The following DIAPH3 variants were observed in gnomAD, a reference collection of about 807,000 sequenced individuals.
The protein encoded by DIAPH3 is protein diaphanous homolog 3.
DIAPH3 carries 117 observed loss-of-function variants against 144.3 expected under a neutral mutation model. That is an observed-to-expected ratio of 0.81 (90% CI 0.70 to 0.95). The LOEUF is 0.95. Ranked by LOEUF, DIAPH3 falls within the 40% of genes least tolerant of loss-of-function variation. The probability of loss-of-function intolerance (pLI) is 0.00; values close to 1 mark genes in which losing one functional copy is unlikely to be tolerated. For missense variants in DIAPH3, 1,421 were observed against 1,412.7 expected, an observed-to-expected ratio of 1.01 and a Z score of -0.09; for synonymous variants, 519 against 488.9, an observed-to-expected ratio of 1.06 and a Z score of -0.81.
Position 59,666,561 on chromosome 13 carries a change from T to A in DIAPH3, c.*23A>T, listed in dbSNP as rs111915155. The A allele has an allele frequency of 1.3e-4, 212 of 1,610,950 alleles. No homozygotes were observed. In the African/African-American group the frequency reaches 2.5e-3, roughly 19 times the overall value. ...CATGGCTTTATATTTGGCTTAATCA[T>A]TTTTTTTAAAAACCAGTTTAACTTA... On this transcript the variant is annotated 3_prime_UTR_variant, in exon 28 of 28. Transcript: ENST00000400324.
chr13:60,051,390 C>T (rs1307677398), intron 4 of DIAPH3, among the ~76,000 whole-genome samples: 1 of 152,008 alleles, frequency 6.6e-6, no homozygotes, highest in Admixed American at 6.6e-5. Flanking sequence ...GAGGCTAAGA[C>T]GGGTGGATCA....
chr13:59,780,406 A>G (rs927256918), intron 25 of DIAPH3, among the ~76,000 whole-genome samples: 5 of 152,232 alleles, frequency 3.3e-5, no homozygotes, highest in Non-Finnish European at 5.9e-5. Context: ...TTATATTTAC[A>G]GTATTCTAAC....
intron 22 of DIAPH3, among the ~76,000 whole-genome samples, chr13:59,842,466 G>A (rs1012234624): frequency 9.9e-5 from 15 of 152,218 alleles, no homozygotes; most frequent in Admixed American, 9.2e-4. Context: ...CCAATCAATT[G>A]TCTAATTCTC....
intron 14 of DIAPH3, among the ~76,000 whole-genome samples, chr13:59,979,211 T>C (rs1244320327): frequency 4.0e-5 from 6 of 151,648 alleles, no homozygotes; most frequent in Non-Finnish European, 7.4e-5. Flanking sequence ...CTACAATTTG[T>C]TTAAAAATCT....
intron 2 of DIAPH3, among the ~76,000 whole-genome samples, chr13:60,113,550 C>T (rs555478682): frequency 2.2e-4 from 34 of 152,232 alleles, no homozygotes; most frequent in East Asian, 1.9e-4. Flanking sequence ...ACTAAGAATA[C>T]GACAGCTTTC....
chr13:59,880,337 G>A (rs780298948), intron 20 of DIAPH3, among the ~76,000 whole-genome samples: 5 of 152,078 alleles, frequency 3.3e-5, no homozygotes, highest in Non-Finnish European at 5.9e-5. Flanking sequence ...GACTTAAAAC[G>A]CACTGAAGGG....
chr13:59,939,778 C>T (rs2140373492), intron 17 of DIAPH3, among the ~76,000 whole-genome samples: 1 of 151,942 alleles, frequency 6.6e-6, no homozygotes, highest in African/African-American at 2.4e-5. Flanking sequence ...GGCAAAGTCA[C>T]CTTTTATTTT....
chr13:59,923,464 A>C (rs183718162), intron 18 of DIAPH3, among the ~76,000 whole-genome samples: 191 of 152,286 alleles, frequency 1.3e-3, no homozygotes, highest in Non-Finnish European at 2.3e-3. Flanking sequence ...TCTGTGGTCT[A>C]AGCAAACACA....
At chr13:60,021,946 C>T (rs757401074) in intron 5 of DIAPH3, among the ~76,000 whole-genome samples, 6 of 152,018 alleles carry the variant, frequency 3.9e-5, no homozygotes, top group Non-Finnish European at 7.4e-5. Context: ...CTCCTTTCAT[C>T]GTTATTTTGT....
Position 60,156,971 on chromosome 13 carries a change from G to A in DIAPH3, c.180+6616C>T, listed in dbSNP as rs555592734. Among the ~76,000 whole-genome samples the A allele has an allele frequency of 3.8e-3, 405 of 106,408 alleles. 5 individuals are homozygous for A. Among genetic ancestry groups the A allele is most frequent in the African/African-American group, 0.014 (370 of 25,790 alleles). The allele number at this position is 106,408 out of a possible 152,430, so 69.8% of individuals were successfully genotyped here. ...TTTTTTTTTTTTTTGAGACAGAGGA[G>A]TCTCACTCTGTCACCCAGGCTGGAG... On this transcript the variant is annotated intron_variant, in intron 1 of 27. Coordinates refer to ENST00000400324, the MANE Select transcript of DIAPH3 (RefSeq NM_001042517.2).
intron 4 of DIAPH3, among the ~76,000 whole-genome samples, chr13:60,066,579 T>C (rs977949549): frequency 1.3e-5 from 2 of 152,204 alleles, no homozygotes; most frequent in African/African-American, 4.8e-5. Flanking sequence ...CACTGAAGGA[T>C]ATATTGTGCT....
intron 24 of DIAPH3, among the ~76,000 whole-genome samples, chr13:59,830,178 C>G (rs1267929548): frequency 1.3e-5 from 2 of 151,812 alleles, no homozygotes; most frequent in Non-Finnish European, 1.5e-5. Context: ...CCTAAGAGAT[C>G]AGAAGACCCT....
chr13:59,946,057 CAACA>C (rs142452862), intron 17 of DIAPH3, among the ~76,000 whole-genome samples: 1 of 152,172 alleles, frequency 6.6e-6, no homozygotes, highest in African/African-American at 2.4e-5. Flanking sequence ...TCTCAATGAT[CAACA>C]AATAACCCAA....
chr13:59,946,858 A>G (rs2048825687), intron 17 of DIAPH3, among the ~76,000 whole-genome samples: 1 of 152,158 alleles, frequency 6.6e-6, no homozygotes, highest in Admixed American at 6.6e-5. Flanking sequence ...ACGATAAGGG[A>G]AAAAAACTCT....
At chr13:60,156,428 T>C (rs1952022645) in intron 1 of DIAPH3, among the ~76,000 whole-genome samples, 1 of 152,150 alleles carries the variant, frequency 6.6e-6, no homozygotes, top group African/African-American at 2.4e-5. Flanking sequence ...TTAAATACCC[T>C]CTTCATAGGG....
chr13:59,816,843 G>A (rs1332383077), intron 24 of DIAPH3, among the ~76,000 whole-genome samples: 1 of 151,814 alleles, frequency 6.6e-6, no homozygotes, highest in Non-Finnish European at 1.5e-5. Context: ...TTTTATATAT[G>A]TAGGAACATT....
At chr13:59,706,884 T>G (rs2034460797) in intron 27 of DIAPH3, among the ~76,000 whole-genome samples, 1 of 152,226 alleles carries the variant, frequency 6.6e-6, no homozygotes, top group South Asian at 2.1e-4. Flanking sequence ...CCAAATTGAT[T>G]TCTTCAAATG....
intron 20 of DIAPH3, among the ~76,000 whole-genome samples, chr13:59,908,338 T>C (rs1041502459): frequency 1.7e-5 from 2 of 116,498 alleles, no homozygotes; most frequent in Admixed American, 2.6e-4. Context: ...GCCACTGTAC[T>C]CCAGCCTGGT....
chr13:59,975,625 A>G (rs1594189004), intron 14 of DIAPH3, among the ~76,000 whole-genome samples: 1 of 152,130 alleles, frequency 6.6e-6, no homozygotes, highest in East Asian at 1.9e-4. Context: ...CTCTCTCCCC[A>G]TACTTTATAG....
Sources: allele counts gnomAD v4.1 joint callset (sites outside exome capture counted in the v4.1 genomes callset), GRCh38; gene constraint gnomAD v4.1.1; transcripts MANE v1.5; gene names NCBI Gene and HGNC (gene_info 2026-07-23, HGNC 2026-07-21).